The following MMS22L variants were observed in gnomAD, a reference collection of about 807,000 sequenced individuals.
MMS22L encodes the protein protein MMS22-like.
Under a neutral mutation model 159.1 loss-of-function variants are expected in MMS22L, and 74 were observed. The observed-to-expected ratio is 0.47, with a 90% CI of 0.39 to 0.56. MMS22L has a LOEUF of 0.56. Among genes scored for constraint, MMS22L ranks in the 20% least tolerant of loss-of-function variants. The probability of loss-of-function intolerance (pLI) is 0.00; values close to 1 mark genes in which losing one functional copy is unlikely to be tolerated. For missense variants in MMS22L, 1,351 were observed against 1,422.1 expected, an observed-to-expected ratio of 0.95 and a Z score of 0.80; for synonymous variants, 517 against 506.9, an observed-to-expected ratio of 1.02 and a Z score of -0.27.
intron 14 of MMS22L, among the ~76,000 whole-genome samples, chr6:97,187,374 C>T (rs976814766): frequency 9.2e-5 from 14 of 151,976 alleles, no homozygotes; most frequent in South Asian, 4.1e-4. Flanking sequence ...TTAATAGAAA[C>T]GTGCAGGAAA....
chr6:97,268,551 T>A (rs771600623), intron 7 of MMS22L, among the ~76,000 whole-genome samples: 60 of 152,108 alleles, frequency 3.9e-4, no homozygotes, highest in Non-Finnish European at 7.8e-4. Flanking sequence ...AAGTCTATCT[T>A]TAAGAAGCAT....
chr6:97,189,263 TA>T (rs10707402), intron 14 of MMS22L, among the ~76,000 whole-genome samples: 76,301 of 139,186 alleles, frequency 0.55, 21,002 homozygotes, highest in African/African-American at 0.69. Context: ...CCATTAGGTT[TA>T]AAAAAAAAAA....
Position 97,168,260 on chromosome 6 carries a change from A to C in MMS22L, c.2840-20T>G, listed in dbSNP as rs1253538833. The stretch of plus-strand genomic sequence containing the variant: ...GAATTCCTAACAAAGAAGAGAAGTA[A>C]CAGCATGTTGTTGTTATCCTCTGAC... On this transcript the variant is annotated intron_variant, in intron 19 of 24. Transcript: ENST00000683635. 6.2e-7 allele frequency: 1 copy of C among 1,610,542 alleles called. No individual in the cohort carries two copies. The highest frequency in any genetic ancestry group is 1.1e-5 in the South Asian group (1 of 90,670).
At chr6:97,250,068 G>T (rs192233506) in intron 10 of MMS22L, among the ~76,000 whole-genome samples, 2 of 152,070 alleles carry the variant, frequency 1.3e-5, no homozygotes. Flanking sequence ...CAAATCAAGG[G>T]TAAGAGAATA....
At chr6:97,152,969 A>G (rs2128234430) in intron 22 of MMS22L, among the ~76,000 whole-genome samples, 1 of 151,744 alleles carries the variant, frequency 6.6e-6, no homozygotes, top group East Asian at 2.0e-4. Flanking sequence ...TCAAGTAGCT[A>G]GGACTACAGG....
intron 4 of MMS22L, among the ~76,000 whole-genome samples, chr6:97,276,213 C>T (rs1295695340): frequency 1.3e-5 from 2 of 152,114 alleles, no homozygotes; most frequent in African/African-American, 4.8e-5. Context: ...ATGAACACAG[C>T]TACATGGCAG....
intron 21 of MMS22L, among the ~76,000 whole-genome samples, chr6:97,162,593 TGGAA>T (rs1460376552): frequency 2.6e-5 from 4 of 151,986 alleles, no homozygotes; most frequent in Non-Finnish European, 1.5e-5. Flanking sequence ...TTTAAGGACT[TGGAA>T]GGAGTCTTAT....
In MMS22L at chr6:97,178,698, C is replaced by T. The variant is rs147477142; in HGVS notation, c.2537-113G>A. 83 of 463,858 alleles carry T rather than the reference C, an allele frequency of 1.8e-4. 1 individual carries two copies. In the East Asian group the frequency reaches 3.0e-3, roughly 17 times the overall value. The allele number at this position is 463,858 out of a possible 1,614,324, so 28.7% of individuals were successfully genotyped here. A position where few individuals can be genotyped will look rare whatever the true frequency, so the allele number is the denominator to read the frequency against. ...ATGAGAAGTAATACAGTATTCTTCA[C>T]TTATGACATGCTTTCTTTTAAAATT... On this transcript the variant is annotated intron_variant, in intron 17 of 24. Transcript: ENST00000683635.
chr6:97,171,242 A>G (rs1193305797), intron 19 of MMS22L, among the ~76,000 whole-genome samples: 1 of 152,176 alleles, frequency 6.6e-6, no homozygotes, highest in African/African-American at 2.4e-5. Context: ...GGCTACTACA[A>G]GTTTGAAATT....
At chr6:97,193,045 C>T (rs965058612) in intron 14 of MMS22L, among the ~76,000 whole-genome samples, 3 of 152,266 alleles carry the variant, frequency 2.0e-5, no homozygotes, top group East Asian at 1.9e-4. Flanking sequence ...CTCCAAATGT[C>T]GCATTGCTGT....
At chr6:97,242,529 AT>A (rs1812190879) in intron 11 of MMS22L, among the ~76,000 whole-genome samples, 1 of 152,114 alleles carries the variant, frequency 6.6e-6, no homozygotes, top group Non-Finnish European at 1.5e-5. Context: ...TGGTTGGTGA[AT>A]TTTTATCCAT....
At chr6:97,280,489 C>T (rs59797998) in intron 3 of MMS22L, among the ~76,000 whole-genome samples, 3,074 of 152,060 alleles carry the variant, frequency 0.02, 107 homozygotes, top group African/African-American at 0.07. Flanking sequence ...CATGCCATCA[C>T]GCCTGGCTAA....
intron 15 of MMS22L, among the ~76,000 whole-genome samples, chr6:97,184,714 C>G (rs752371796): frequency 1.3e-5 from 2 of 152,114 alleles, no homozygotes; most frequent in Non-Finnish European, 2.9e-5. Context: ...TGCCACCACT[C>G]TAGCCACAGC....
chr6:97,235,763 A>G (rs576612116), intron 11 of MMS22L, among the ~76,000 whole-genome samples: 1 of 152,344 alleles, frequency 6.6e-6, no homozygotes, highest in African/African-American at 2.4e-5. Flanking sequence ...TAAATATTTA[A>G]GTGAAAATAC....
intron 14 of MMS22L, among the ~76,000 whole-genome samples, chr6:97,227,175 GGA>G (rs1491402014): frequency 3.6e-5 from 3 of 83,578 alleles, no homozygotes; most frequent in Admixed American, 1.1e-4. Context: ...GAACCTATGA[GGA>G]AAAAAAAAAC....
intron 12 of MMS22L, among the ~76,000 whole-genome samples, chr6:97,232,608 T>G (rs1562487313): frequency 2.6e-5 from 4 of 152,126 alleles, no homozygotes; most frequent in Admixed American, 2.0e-4. Context: ...TGTGTTCTTC[T>G]GACATGACTC....
chr6:97,246,288 T>C (rs1562501385), intron 11 of MMS22L: 4 of 375,702 alleles, frequency 1.1e-5, no homozygotes, highest in East Asian at 7.3e-5. Context: ...GATGAGGATA[T>C]AGCTGAATTT....
chr6:97,280,804 T>G (rs926474108), intron 3 of MMS22L, among the ~76,000 whole-genome samples: 1 of 152,176 alleles, frequency 6.6e-6, no homozygotes, highest in African/African-American at 2.4e-5. Flanking sequence ...GGATGTTCAT[T>G]ATATTATTAT....
At chr6:97,154,627 T>C (rs1381357101) in intron 22 of MMS22L, among the ~76,000 whole-genome samples, 2 of 152,194 alleles carry the variant, frequency 1.3e-5, no homozygotes, top group Admixed American at 6.6e-5. Flanking sequence ...AGTTTTCGTA[T>C]GTGGTAGGAA....
Sources: allele counts gnomAD v4.1 joint callset (sites outside exome capture counted in the v4.1 genomes callset), GRCh38; gene constraint gnomAD v4.1.1; transcripts MANE v1.5; gene names NCBI Gene and HGNC (gene_info 2026-07-23, HGNC 2026-07-21).